The following SNX29 variants were observed in gnomAD, a reference collection of about 807,000 sequenced individuals.
The protein encoded by SNX29 is sorting nexin 29.
Under a neutral mutation model 102.1 loss-of-function variants are expected in SNX29, and 78 were observed. The observed-to-expected ratio is 0.76, with a 90% CI of 0.64 to 0.92. The LOEUF (loss-of-function observed/expected upper bound fraction) is 0.92. SNX29 is among the 40% of genes least tolerant of loss of function. SNX29 has a pLI of 0.00. For missense variants in SNX29, 1,280 were observed against 1,061.7 expected (o/e 1.21, Z -2.86); for synonymous variants, 580 against 414.5 (o/e 1.40, Z -4.85).
At chr16:12,293,428 A>T (rs116262634) in intron 15 of SNX29, among the ~76,000 whole-genome samples, 2,213 of 152,312 alleles carry the variant, frequency 0.015, 59 homozygotes, top group African/African-American at 0.05. Context: ...CTGTTCAGAC[A>T]GTGTGTTTGT....
Position 12,568,690 on chromosome 16 carries a change from C to G in SNX29, c.*61C>G, listed in dbSNP as rs2079116912. The G allele has an allele frequency of 1.3e-6, 2 of 1,579,474 alleles. No individual in the cohort carries two copies. Among genetic ancestry groups the G allele is most frequent in the East Asian group, 2.3e-5 (1 of 44,280 alleles). On this transcript the variant is annotated 3_prime_UTR_variant, in exon 21 of 21. Coordinates refer to ENST00000566228, the MANE Select transcript of SNX29 (RefSeq NM_032167.5). ...GCACCAGCTGCGTCCACCCCAGCCA[C>G]TGCCGCTGGCCCCTCACCTCAGCGT... is the stretch of plus-strand genomic sequence containing the variant.
At chr16:12,344,405 G>A (rs1477893894) in intron 15 of SNX29, among the ~76,000 whole-genome samples, 4 of 152,172 alleles carry the variant, frequency 2.6e-5, no homozygotes, top group African/African-American at 9.7e-5. Context: ...TCCTCAATCT[G>A]TAGATGGAAC....
At chr16:12,380,933 T>C (rs1333604300) in intron 16 of SNX29, among the ~76,000 whole-genome samples, 21 of 38,808 alleles carry the variant, frequency 5.4e-4, no homozygotes, top group East Asian at 3.0e-3. Context: ...CATCCATCCA[T>C]CCACCATCCA....
chr16:12,466,976 A>G (rs2087083508), intron 18 of SNX29, among the ~76,000 whole-genome samples: 1 of 152,236 alleles, frequency 6.6e-6, no homozygotes, highest in Non-Finnish European at 1.5e-5. Flanking sequence ...CACCTGGACC[A>G]GAAATTCAGT....
chr16:12,429,108 C>T (rs1052845761), intron 18 of SNX29, among the ~76,000 whole-genome samples: 2 of 151,976 alleles, frequency 1.3e-5, no homozygotes, highest in African/African-American at 2.4e-5. Context: ...GATACGATTG[C>T]GATTAATAGC....
intron 20 of SNX29, chr16:12,527,229 C>T (rs772766119): frequency 5.6e-6 from 3 of 534,000 alleles, no homozygotes; most frequent in Middle Eastern, 2.8e-4. Flanking sequence ...GATGGATCAG[C>T]CACAGCCAAG....
chr16:12,457,127 T>G (rs1355780018), intron 18 of SNX29, among the ~76,000 whole-genome samples: 1 of 152,220 alleles, frequency 6.6e-6, no homozygotes, highest in Non-Finnish European at 1.5e-5. Flanking sequence ...CAAGTCACAT[T>G]GTGTGTTCAT....
intron 1 of SNX29, among the ~76,000 whole-genome samples, chr16:11,991,183 C>T (rs2055834186): frequency 6.6e-6 from 1 of 152,230 alleles, no homozygotes; most frequent in South Asian, 2.1e-4. Flanking sequence ...TGCAGTTTTG[C>T]AGGGCACATT....
At chr16:12,551,236 G>A (rs1375992299) in intron 20 of SNX29, among the ~76,000 whole-genome samples, 2 of 152,060 alleles carry the variant, frequency 1.3e-5, no homozygotes, top group Non-Finnish European at 2.9e-5. Flanking sequence ...ATCTTCTGAG[G>A]ACAGTCTAAA....
At chr16:12,369,159 G>A (rs548376455) in intron 16 of SNX29, among the ~76,000 whole-genome samples, 5 of 150,672 alleles carry the variant, frequency 3.3e-5, no homozygotes, top group African/African-American at 9.8e-5. Flanking sequence ...TTTTTGAGAC[G>A]GAGTTTTGCT....
chr16:12,008,459 G>C (rs1196957152), intron 3 of SNX29, among the ~76,000 whole-genome samples: 2 of 150,382 alleles, frequency 1.3e-5, no homozygotes, highest in African/African-American at 4.9e-5. Context: ...AGTAGAGACA[G>C]TATTTCTCCA....
At chr16:12,350,407 T>G (rs2081960513) in intron 15 of SNX29, among the ~76,000 whole-genome samples, 2 of 152,112 alleles carry the variant, frequency 1.3e-5, no homozygotes, top group African/African-American at 4.8e-5. Context: ...GGTGTGTAGG[T>G]TCTATTGCAG....
At chr16:12,350,309 C>G (rs905692309) in intron 15 of SNX29, among the ~76,000 whole-genome samples, 1 of 152,172 alleles carries the variant, frequency 6.6e-6, no homozygotes, top group Non-Finnish European at 1.5e-5. Context: ...ATTCCCTAAA[C>G]AATATGGTAG....
rs548930953 is a variant in SNX29, at chr16:12,352,767, G to T, written c.1783-3396G>T. Reference sequence around the variant, plus strand: ...CTCTGTCCCTTGCTGGGCTGGGTTTGTGGCTGTGTCAGCCCTGGTCTTTGT... The same window carrying T: ...CTCTGTCCCTTGCTGGGCTGGGTTTTTGGCTGTGTCAGCCCTGGTCTTTGT... On this transcript the variant is annotated intron_variant, in intron 15 of 20. Coordinates refer to ENST00000566228, the MANE Select transcript of SNX29 (RefSeq NM_032167.5). Among the ~76,000 whole-genome samples, 5 of 152,210 alleles carry T rather than the reference G, an allele frequency of 3.3e-5. No individual in the cohort carries two copies. The East Asian group carries it at 9.6e-4, about 29-fold the overall frequency.
chr16:12,141,935 C>T (rs945640773), intron 13 of SNX29, among the ~76,000 whole-genome samples: 2 of 152,144 alleles, frequency 1.3e-5, no homozygotes, highest in East Asian at 1.9e-4. Flanking sequence ...CTCAGTGGGT[C>T]TCAGCCTCAT....
chr16:12,174,286 T>C (rs2076213087), intron 13 of SNX29, among the ~76,000 whole-genome samples: 1 of 152,194 alleles, frequency 6.6e-6, no homozygotes, highest in Non-Finnish European at 1.5e-5. Context: ...AATTATGATG[T>C]GGGAAGTTTG....
intron 15 of SNX29, among the ~76,000 whole-genome samples, chr16:12,298,510 A>G (rs1259080725): frequency 6.6e-6 from 1 of 152,240 alleles, no homozygotes; most frequent in African/African-American, 2.4e-5. Flanking sequence ...TCTCATCTGT[A>G]AAATGGGAAT....
chr16:12,246,538 G>T (rs188053848), intron 14 of SNX29, among the ~76,000 whole-genome samples: 17 of 152,264 alleles, frequency 1.1e-4, no homozygotes, highest in Middle Eastern at 3.4e-3. Context: ...CTACTCAGGA[G>T]GCTGAGGCAG....
At chr16:12,391,642 C>T (rs2083533478) in intron 16 of SNX29, among the ~76,000 whole-genome samples, 1 of 152,174 alleles carries the variant, frequency 6.6e-6, no homozygotes, top group South Asian at 2.1e-4. Context: ...TCCATTCATT[C>T]ATTCATCTGT....
Sources: gnomAD v4.1 joint callset for allele counts (sites outside exome capture counted in the v4.1 genomes callset) on GRCh38, gnomAD v4.1.1 for gene constraint, MANE v1.5 for transcripts, NCBI Gene and HGNC (gene_info 2026-07-23, HGNC 2026-07-21) for gene names.